Variants in ATP11C observed in about 807,000 individuals in gnomAD.
The protein encoded by ATP11C is phospholipid-transporting ATPase IG.
Under a neutral mutation model 97.4 loss-of-function variants are expected in ATP11C, and 36 were observed. The observed-to-expected ratio is 0.37, with a 90% confidence interval of 0.28 to 0.49. The LOEUF (loss-of-function observed/expected upper bound fraction) is 0.49. Ranked by LOEUF, ATP11C falls within the 20% of genes least tolerant of loss-of-function variation. The pLI, the probability that ATP11C is intolerant of heterozygous loss-of-function variation, is 0.98. For synonymous variants in ATP11C, 275 were observed against 290.9 expected (o/e 0.95, Z 0.56); for missense variants, 730 against 824.6 (o/e 0.89, Z 1.40).
rs772769902 is a variant in ATP11C at position 139,893,794 on chromosome X, C to T, written c.27+38222G>A. 3.6e-5 allele frequency among the ~76,000 whole-genome samples: 4 copies of T among 110,851 alleles called. No homozygotes were observed. The East Asian group carries it at 1.1e-3, about 31-fold the overall frequency. On this transcript the variant is annotated intron_variant, in intron 1 of 29. Transcript: ENST00000682941. Reference sequence around the variant, plus strand: ...CTAGTGGCATAGCCAGCAAAGAAACCCAGATGCCTATGTTCCTTCCATGTT... The same window carrying T: ...CTAGTGGCATAGCCAGCAAAGAAACTCAGATGCCTATGTTCCTTCCATGTT...
At chrX:139,801,195 A>G (rs2082920741) in intron 7 of ATP11C, among the ~76,000 whole-genome samples, 1 of 112,444 alleles carries the variant, frequency 8.9e-6, no homozygotes, top group African/African-American at 3.2e-5. Flanking sequence ...ATTGTTCTCT[A>G]GCTCAGGCAG....
intron 17 of ATP11C, 93 bp downstream of exon 17, chrX:139,783,071 T>C: frequency 1.6e-6 from 1 of 644,902 alleles, no homozygotes. Flanking sequence ...CTAAAATGTA[T>C]TTAAACTGTC....
At chrX:139,765,144 G>A (rs890910999) in intron 20 of ATP11C, among the ~76,000 whole-genome samples, 1 of 110,733 alleles carries the variant, frequency 9.0e-6, no homozygotes, top group Non-Finnish European at 1.9e-5. Context: ...ATCATGAAGG[G>A]ATTTAGATTC....
intron 1 of ATP11C, among the ~76,000 whole-genome samples, chrX:139,880,639 G>A (rs1170174752): frequency 9.0e-6 from 1 of 111,497 alleles, no homozygotes; most frequent in East Asian, 2.8e-4. Flanking sequence ...AGGGAAGAAA[G>A]GATACAGAAG....
chrX:139,838,753 G>A (rs2083784457), intron 1 of ATP11C, among the ~76,000 whole-genome samples: 1 of 112,214 alleles, frequency 8.9e-6, no homozygotes, highest in African/African-American at 3.2e-5. Flanking sequence ...GTTCGAGCCA[G>A]CATGGCCAAC....
chrX:139,750,495 T>A (rs758348641), intron 23 of ATP11C, among the ~76,000 whole-genome samples: 2 of 111,974 alleles, frequency 1.8e-5, no homozygotes, highest in South Asian at 7.5e-4. Context: ...GACCATTAAG[T>A]ATAAGTGAGG....
Position 139,798,336 on chromosome X carries a change from C to A in ATP11C, c.794G>T (p.Gly265Val). The change falls in exon 10 of 30, where the codon GGA (glycine) becomes GTA (valine). Residue 265 changes from glycine (G) to valine (V), a missense_variant. Gly to Val is a moderately radical substitution (Grantham distance 109, BLOSUM62 -3). Coordinates refer to ENST00000682941, the MANE Select transcript of ATP11C (RefSeq NM_001353812.2). ...GTTCAAAGCCATTTTGGTTTCCATT[C>A]CAGTGTAAACAGCAACTCCTAAGAA... ...EKIYGVAVYT[G>V]METKMALNYQ... 1 of 1,197,716 alleles carries A rather than the reference C, an allele frequency of 8.3e-7. No homozygotes were observed. The highest frequency in any genetic ancestry group is 1.1e-6 in the Non-Finnish European group (1 of 886,258).
chrX:139,815,190 T>C (rs1380114259), intron 4 of ATP11C, among the ~76,000 whole-genome samples: 1 of 112,341 alleles, frequency 8.9e-6, no homozygotes, highest in Non-Finnish European at 1.9e-5. Flanking sequence ...AATAGCTTTG[T>C]TGTGTTAAAA....
chrX:139,832,333 T>C, intron 1 of ATP11C: 1 of 1,082,806 alleles, frequency 9.2e-7, no homozygotes, highest in Non-Finnish European at 1.2e-6. Context: ...GCTTGCCTAG[T>C]TCCTGTACTT....
chrX:139,864,496 C>A (rs2084252010), intron 1 of ATP11C, among the ~76,000 whole-genome samples: 1 of 112,388 alleles, frequency 8.9e-6, no homozygotes, highest in Non-Finnish European at 1.9e-5. Context: ...ACTGGCTCTG[C>A]TACTTACTAG....
intron 4 of ATP11C, among the ~76,000 whole-genome samples, chrX:139,816,144 CAAT>C (rs2083284148): frequency 9.0e-6 from 1 of 111,529 alleles, no homozygotes; most frequent in African/African-American, 3.3e-5. Context: ...ATCTTGTTCC[CAAT>C]AATGCTAAGA....
At chrX:139,897,437 A>G (rs1220546808) in intron 1 of ATP11C, among the ~76,000 whole-genome samples, 1 of 110,873 alleles carries the variant, frequency 9.0e-6, no homozygotes, top group Non-Finnish European at 1.9e-5. Flanking sequence ...TAATCCCAGC[A>G]CTTTGGGAAG....
At chrX:139,829,768 G>A (rs2083605662) in intron 1 of ATP11C, among the ~76,000 whole-genome samples, 1 of 111,028 alleles carries the variant, frequency 9.0e-6, no homozygotes, top group African/African-American at 3.3e-5. Flanking sequence ...AACAGAGAAA[G>A]CAATGTAAAT....
At chrX:139,745,695 A>G (rs1299871294) in intron 25 of ATP11C, 27 bp downstream of exon 25, 1 of 1,190,477 alleles carries the variant, frequency 8.4e-7, no homozygotes, top group Non-Finnish European at 1.1e-6. Flanking sequence ...TATAATACCA[A>G]AAGATGTAAT....
intron 25 of ATP11C, among the ~76,000 whole-genome samples, chrX:139,744,633 A>G (rs1018150821): frequency 2.7e-5 from 3 of 112,092 alleles, no homozygotes; most frequent in Non-Finnish European, 5.6e-5. Context: ...ATAAATCTGA[A>G]GAGGCCAGGA....
At chrX:139,832,136 T>C in intron 1 of ATP11C, 2 of 1,203,253 alleles carry the variant, frequency 1.7e-6, no homozygotes, top group Non-Finnish European at 2.2e-6. Flanking sequence ...AGAGGAGAAA[T>C]AAATATAGAT....
chrX:139,787,094 C>CT, intron 15 of ATP11C, 79 bp downstream of exon 15: 1 of 1,176,828 alleles, frequency 8.5e-7, no homozygotes, highest in Non-Finnish European at 1.1e-6. Context: ...GCATCATTTC[C>CT]TTTGCTGCCC....
At chrX:139,835,062 T>C (rs1458214293) in intron 1 of ATP11C, among the ~76,000 whole-genome samples, 1 of 112,217 alleles carries the variant, frequency 8.9e-6, no homozygotes, top group Non-Finnish European at 1.9e-5. Flanking sequence ...GCTACATCTA[T>C]GCTAGAGTCC....
At chrX:139,765,119 A>G (rs2082110221) in intron 20 of ATP11C, among the ~76,000 whole-genome samples, 1 of 111,352 alleles carries the variant, frequency 9.0e-6, no homozygotes, top group Admixed American at 9.6e-5. Context: ...AGGATATACA[A>G]TCATGGACCA....
Sources: allele counts gnomAD v4.1 joint callset (sites outside exome capture counted in the v4.1 genomes callset), GRCh38; gene constraint gnomAD v4.1.1; transcripts MANE v1.5; gene names NCBI Gene and HGNC (gene_info 2026-07-23, HGNC 2026-07-21).